Variants in SARNP observed in about 807,000 individuals in gnomAD.
The protein encoded by SARNP is SAP domain-containing ribonucleoprotein.
A neutral mutation model predicts 38.1 loss-of-function variants in SARNP; 5 were observed. That is an observed-to-expected ratio of 0.13 (90% CI 0.07 to 0.28). SARNP has a LOEUF of 0.28. SARNP is among the 10% of genes least tolerant of loss of function. The pLI is 1.00. For missense variants in SARNP, 180 were observed against 243.9 expected, an observed-to-expected ratio of 0.74 and a Z score of 1.75; for synonymous variants, 84 against 80.6, an observed-to-expected ratio of 1.04 and a Z score of -0.23.
At position 55,800,919 on chromosome 12, in the gene SARNP, T is replaced by C. The variant is rs779305194; in HGVS notation, c.137-19A>G. Reference sequence around the variant, plus strand: ...TCTTCAGCTAAAGAATATTAAAATATTCAGGTCAAGCCCTGCTACAAAACC... The same window carrying C: ...TCTTCAGCTAAAGAATATTAAAATACTCAGGTCAAGCCCTGCTACAAAACC... On this transcript the variant is annotated intron_variant, in intron 2 of 10. Coordinates refer to ENST00000336133, the MANE Select transcript of SARNP (RefSeq NM_033082.4). 6 of 1,605,662 alleles carry C rather than the reference T, an allele frequency of 3.7e-6. No homozygotes were observed. The highest frequency in any genetic ancestry group is 5.1e-6 in the Non-Finnish European group (6 of 1,172,616).
intron 2 of SARNP, 98 bp from the exon 3 acceptor site, chr12:55,800,998 A>G: frequency 9.9e-7 from 1 of 1,005,380 alleles, no homozygotes; most frequent in East Asian, 2.4e-5. Context: ...TCCCCCAAAA[A>G]ATCCAACAGT....
chr12:55,771,013 C>T (rs974294406), intron 9 of SARNP, among the ~76,000 whole-genome samples: 13 of 151,320 alleles, frequency 8.6e-5, no homozygotes, highest in African/African-American at 3.2e-4. Flanking sequence ...TCTCGGCTCA[C>T]TGCAACCTCT....
At position 55,801,076 on chromosome 12, in the gene SARNP, C is replaced by A. The variant is rs188745113; in HGVS notation, c.137-176G>T. Among the ~76,000 whole-genome samples the A allele has an allele frequency of 3.3e-5, 5 of 152,292 alleles. No homozygotes were observed. In the East Asian group the frequency reaches 9.6e-4, roughly 29 times the overall value. ...AAGATAAAACCAGATTTCTACCTAA[C>A]ATTAATTACAAATGTGAACTCCAGT... On this transcript the variant is annotated intron_variant, in intron 2 of 10. Transcript: ENST00000336133.
chr12:55,795,561 T>C (rs926186787), intron 5 of SARNP, among the ~76,000 whole-genome samples: 3 of 152,186 alleles, frequency 2.0e-5, no homozygotes, highest in African/African-American at 4.8e-5. Context: ...TGAGGCAGCA[T>C]TGTTTTATGC....
chr12:55,809,721 C>T (rs12320756), intron 1 of SARNP, among the ~76,000 whole-genome samples: 12,384 of 146,764 alleles, frequency 0.084, 711 homozygotes, highest in African/African-American at 0.16. Flanking sequence ...CCAGCCTGGG[C>T]GACAGAAGGG....
At chr12:55,760,772 G>A (rs1878650828) in intron 9 of SARNP, 132 bp from the exon 10 acceptor site, 1 of 648,230 alleles carries the variant, frequency 1.5e-6, no homozygotes, top group African/African-American at 1.8e-5. Context: ...CACATAAAGA[G>A]ATAAGATACA....
downstream of SARNP, chr12:55,753,969 A>G (rs769180370): frequency 2.6e-5 from 4 of 152,098 alleles, no homozygotes; most frequent in Non-Finnish European, 5.9e-5. Flanking sequence ...AAAAATAATT[A>G]AAGTAAAATA....
intron 1 of SARNP, among the ~76,000 whole-genome samples, chr12:55,813,645 A>G (rs1427338296): frequency 6.6e-6 from 1 of 150,980 alleles, no homozygotes; most frequent in East Asian, 2.0e-4. Context: ...ACGCGGTTCA[A>G]GTGATTCTCC....
At chr12:55,774,579 C>CAAAAAAAAAAAAAA (rs71074858) in intron 9 of SARNP, among the ~76,000 whole-genome samples, 1 of 106,356 alleles carries the variant, frequency 9.4e-6, no homozygotes, top group Non-Finnish European at 1.7e-5. Flanking sequence ...AAAAAACAAA[C>CAAAAAAAAAAAAAA]AAAAAAAAAA....
At chr12:55,785,869 G>A (rs1018924059) in intron 9 of SARNP, among the ~76,000 whole-genome samples, 1 of 151,836 alleles carries the variant, frequency 6.6e-6, no homozygotes, top group Non-Finnish European at 1.5e-5. Context: ...AAACTCCTGG[G>A]CTCAATTAGT....
intron 9 of SARNP, among the ~76,000 whole-genome samples, chr12:55,774,557 CTG>C (rs1201179936): frequency 6.0e-5 from 1 of 16,716 alleles, no homozygotes; most frequent in Non-Finnish European, 8.4e-5. Context: ...CCCGTCTCTA[CTG>C]AAAAAAAAAA....
intron 9 of SARNP, among the ~76,000 whole-genome samples, chr12:55,785,271 T>C (rs1021742274): frequency 6.6e-6 from 1 of 152,140 alleles, no homozygotes; most frequent in African/African-American, 2.4e-5. Flanking sequence ...CCAATTACCA[T>C]TATTGTATTA....
At chr12:55,797,838 T>C (rs1449206539) in intron 4 of SARNP, among the ~76,000 whole-genome samples, 1 of 152,204 alleles carries the variant, frequency 6.6e-6, no homozygotes, top group African/African-American at 2.4e-5. Flanking sequence ...CAGAATCTTT[T>C]TGTACATACT....
intron 7 of SARNP, chr12:55,794,003 T>C (rs1879748721): frequency 4.5e-6 from 1 of 220,794 alleles, no homozygotes; most frequent in African/African-American, 2.4e-5. Flanking sequence ...TAGAAGATAT[T>C]CTTTTCCCTT....
chr12:55,794,260 A>C, intron 7 of SARNP, 99 bp downstream of exon 7: 1 of 1,046,340 alleles, frequency 9.6e-7, no homozygotes, highest in Non-Finnish European at 1.5e-6. Flanking sequence ...GAGTTTCTAC[A>C]GCTAGCAAAT....
intron 1 of SARNP, among the ~76,000 whole-genome samples, chr12:55,812,702 C>T (rs1489267886): frequency 1.3e-5 from 2 of 152,226 alleles, no homozygotes; most frequent in Non-Finnish European, 2.9e-5. Flanking sequence ...TTCATTTTTC[C>T]CATATCTAAC....
intron 7 of SARNP, among the ~76,000 whole-genome samples, chr12:55,791,113 T>C (rs989575083): frequency 6.6e-5 from 10 of 152,174 alleles, no homozygotes; most frequent in African/African-American, 2.2e-4. Flanking sequence ...ATACGCACTA[T>C]ACGAATTCAT....
downstream of SARNP, chr12:55,756,687 T>C (rs1225087820): frequency 6.6e-6 from 1 of 152,254 alleles, no homozygotes; most frequent in African/African-American, 2.4e-5. Context: ...AAGCCTCCAG[T>C]TCCACTGCTT....
downstream of SARNP, chr12:55,753,496 G>C (rs188416740): frequency 6.6e-6 from 1 of 152,116 alleles, no homozygotes; most frequent in African/African-American, 2.4e-5. Context: ...CTGGCTGGGC[G>C]CAGTGGCTTA....
Sources: allele counts gnomAD v4.1 joint callset (sites outside exome capture counted in the v4.1 genomes callset), GRCh38; gene constraint gnomAD v4.1.1; transcripts MANE v1.5; gene names NCBI Gene and HGNC (gene_info 2026-07-23, HGNC 2026-07-21).